ITGB1BP1: variants seen among roughly 807,000 people sequenced by gnomAD.
ITGB1BP1 encodes integrin beta-1-binding protein 1.
In ITGB1BP1, 20 loss-of-function variants were observed where a neutral mutation model predicts 28.0. The ratio of observed to expected loss-of-function variants is 0.71; its 90% CI spans 0.50 to 1.04. The LOEUF is 1.04. ITGB1BP1 is among the 50% of genes least tolerant of loss of function. The pLI is 0.00. For synonymous variants in ITGB1BP1, 103 were observed against 89.5 expected (o/e 1.15, Z -0.85); for missense variants, 228 against 242.5 (o/e 0.94, Z 0.40).
At chr2:9,407,692 C>T in intron 5 of ITGB1BP1, 94 bp from the exon 6 acceptor site, 1 of 1,389,876 alleles carries the variant, frequency 7.2e-7, no homozygotes, top group Non-Finnish European at 9.9e-7. Flanking sequence ...AGGCTTGAAA[C>T]AGCATATCCA....
At chr2:9,421,951 G>T (rs1441523257) in intron 1 of ITGB1BP1, among the ~76,000 whole-genome samples, 1 of 151,980 alleles carries the variant, frequency 6.6e-6, no homozygotes, top group Non-Finnish European at 1.5e-5. Flanking sequence ...CCCACCTGAA[G>T]AGCTCTCTGA....
chr2:9,413,391 C>A (rs1029850505), intron 3 of ITGB1BP1, among the ~76,000 whole-genome samples: 1 of 151,698 alleles, frequency 6.6e-6, no homozygotes, highest in South Asian at 2.1e-4. Context: ...TGCAGTGGTG[C>A]GATTCTCAGC....
intron 1 of ITGB1BP1, among the ~76,000 whole-genome samples, chr2:9,421,569 C>T (rs1679848988): frequency 1.3e-5 from 2 of 151,924 alleles, no homozygotes; most frequent in Admixed American, 1.3e-4. Flanking sequence ...CGCCTGTAGT[C>T]CCAGCTACTC....
At chr2:9,412,095 T>A (rs984375212) in intron 4 of ITGB1BP1, 174 bp downstream of exon 4, 1 of 579,026 alleles carries the variant, frequency 1.7e-6, no homozygotes, top group African/African-American at 1.9e-5. Context: ...ACAGCGCCTG[T>A]GTTCCCATGC....
intron 1 of ITGB1BP1, chr2:9,422,887 T>A (rs1680066836): frequency 6.1e-6 from 6 of 985,718 alleles, no homozygotes; most frequent in Non-Finnish European, 7.2e-6. Context: ...GTCACCAGAG[T>A]AAGGACGGAT....
intron 3 of ITGB1BP1, among the ~76,000 whole-genome samples, 173 bp downstream of exon 3, chr2:9,414,005 C>T (rs1678799099): frequency 6.6e-6 from 1 of 152,204 alleles, no homozygotes; most frequent in Non-Finnish European, 1.5e-5. Context: ...AATCACACCA[C>T]ACCCTCAGCC....
chr2:9,409,954 C>T (rs896442494), intron 4 of ITGB1BP1, among the ~76,000 whole-genome samples: 21 of 150,680 alleles, frequency 1.4e-4, no homozygotes, highest in African/African-American at 5.1e-4. Flanking sequence ...AAGCGATTCT[C>T]CTGCCTCAGT....
chr2:9,408,977 C>T (rs1677943137), intron 4 of ITGB1BP1, among the ~76,000 whole-genome samples: 1 of 152,238 alleles, frequency 6.6e-6, no homozygotes, highest in Non-Finnish European at 1.5e-5. Flanking sequence ...GATCAGGAAG[C>T]AGAGCCCACA....
Position 9,406,886 on chromosome 2 carries a change from C to G in ITGB1BP1, c.551G>C (p.Cys184Ser). Residue 184 changes from cysteine to serine, a missense_variant, in exon 7 of 7, where the codon TGC becomes TCC. Transcript: ENST00000355346. ...CNSLEQAQAI[C>S]KVLSTAFDSV... ...GTCAAAAGCGGTGGATAAAACCTTG[C>G]AAATGGCTTGTGCTTGTTCCTACAT... 1 of 1,612,864 alleles carries G rather than the reference C, an allele frequency of 6.2e-7. No individual in the cohort carries two copies. Among genetic ancestry groups the G allele is most frequent in the Non-Finnish European group, 8.5e-7 (1 of 1,178,846 alleles).
At chr2:9,407,932 GGAGA>G in intron 5 of ITGB1BP1, 177 bp downstream of exon 5, 7 of 588,530 alleles carry the variant, frequency 1.2e-5, no homozygotes, top group Non-Finnish European at 1.2e-5. Context: ...TTCCAACACA[GGAGA>G]GAAAAGGAAG....
At position 9,414,112 on chromosome 2, in the gene ITGB1BP1, C is replaced by T. The variant is rs574419256; in HGVS notation, c.151+66G>A. The T allele has an allele frequency of 4.4e-4, 574 of 1,293,198 alleles. 1 individual carries two copies. The highest frequency in any genetic ancestry group is 6.0e-4 in the Non-Finnish European group (538 of 892,968). 80.1% of individuals were successfully genotyped at this position (1,293,198 alleles called of 1,614,324 possible). A position where few individuals can be genotyped will look rare whatever the true frequency, so the allele number is the denominator to read the frequency against. On this transcript the variant is annotated intron_variant, in intron 3 of 6. Transcript: ENST00000355346. Reference sequence around the variant, plus strand: ...AATACTGAAGAACTCATTGTGCTACCCCAGTAAAACCACGTGAACATCAAT... The same window carrying T: ...AATACTGAAGAACTCATTGTGCTACTCCAGTAAAACCACGTGAACATCAAT...
In ITGB1BP1 at chr2:9,406,210, T is replaced by A; in HGVS notation, c.*624A>T. The A allele has an allele frequency of 4.4e-5, 1 of 22,474 alleles. No homozygotes were observed. 1.4% of individuals were successfully genotyped at this position (22,474 alleles called of 1,614,324 possible). On this transcript the variant is annotated 3_prime_UTR_variant, in exon 7 of 7. Transcript: ENST00000355346. The stretch of plus-strand genomic sequence containing the variant: ...CCTTCAGTGTGTGTTTGTCACTGAG[T>A]GGACCTCTGTGACATCTCGTCTTCC...
intron 2 of ITGB1BP1, among the ~76,000 whole-genome samples, chr2:9,418,194 A>C (rs943232949): frequency 6.6e-6 from 1 of 152,232 alleles, no homozygotes; most frequent in African/African-American, 2.4e-5. Flanking sequence ...TTTGTTTTGC[A>C]TGAATTAAAT....
chr2:9,409,341 G>C (rs963372739), intron 4 of ITGB1BP1, among the ~76,000 whole-genome samples: 1 of 152,188 alleles, frequency 6.6e-6, no homozygotes, highest in East Asian at 1.9e-4. Context: ...TACAGTACCC[G>C]CTTGCCAATC....
At chr2:9,417,841 C>A (rs1679343404) in intron 2 of ITGB1BP1, among the ~76,000 whole-genome samples, 1 of 151,178 alleles carries the variant, frequency 6.6e-6, no homozygotes, top group Non-Finnish European at 1.5e-5. Context: ...CTATATTTTA[C>A]TTATTTATTC....
Position 9,407,472 on chromosome 2 carries a change from A to G in ITGB1BP1, c.508T>C (p.Trp170Arg). Residue 170 changes from tryptophan (W) to arginine (R), a missense_variant, in exon 6 of 7, where the codon TGG (tryptophan) becomes CGG (arginine). Trp to Arg is a moderately radical substitution (Grantham distance 101). Coordinates refer to ENST00000355346, the MANE Select transcript of ITGB1BP1 (RefSeq NM_004763.5). ...ACCAGGCTGTTGCACTGATAAACCC[A>G]CAGGCTGTATTCCTCATTGCTTGCA... ...TDASNEEYSL[W>R]VYQCNSLEQA... 2 of 1,614,168 alleles carry G rather than the reference A, an allele frequency of 1.2e-6. No homozygotes were observed. Among genetic ancestry groups the G allele is most frequent in the Non-Finnish European group, 1.7e-6 (2 of 1,180,036 alleles).
intron 1 of ITGB1BP1, among the ~76,000 whole-genome samples, chr2:9,421,641 C>G (rs1392466781): frequency 6.7e-6 from 1 of 150,362 alleles, no homozygotes; most frequent in Non-Finnish European, 1.5e-5. Flanking sequence ...GAGCCGAGAT[C>G]GCGCCACTGC....
chr2:9,410,584 CAT>C (rs1678230842), intron 4 of ITGB1BP1, among the ~76,000 whole-genome samples: 1 of 152,108 alleles, frequency 6.6e-6, no homozygotes, highest in Non-Finnish European at 1.5e-5. Flanking sequence ...GGATTATAGG[CAT>C]GCACCACCAC....
rs1679035977 is a variant in ITGB1BP1, at chr2:9,415,667, A to G, written c.73-1411T>C. Among the ~76,000 whole-genome samples, 1 of 152,222 alleles carries G rather than the reference A, an allele frequency of 6.6e-6. No homozygotes were observed. Among genetic ancestry groups the G allele is most frequent in the South Asian group, 2.1e-4 (1 of 4,826 alleles). On this transcript the variant is annotated intron_variant, in intron 2 of 6. Coordinates refer to ENST00000355346, the MANE Select transcript of ITGB1BP1 (RefSeq NM_004763.5). The surrounding 1 kb of genome is among the most constrained non-coding windows in gnomAD (Gnocchi z 4.1). ...CGCTTAAGGCTGAGGAAGTGGCAGT[A>G]GGGAGGTTCTGTGTTGAGCAGCTCC...
Sources: allele counts gnomAD v4.1 joint callset (sites outside exome capture counted in the v4.1 genomes callset), GRCh38; gene constraint gnomAD v4.1.1; non-coding constraint Gnocchi (gnomAD v3.1); transcripts MANE v1.5; gene names NCBI Gene and HGNC (gene_info 2026-07-23, HGNC 2026-07-21).